The following SCG5 variants were observed in gnomAD, a reference collection of about 807,000 sequenced individuals.
The protein encoded by SCG5 is neuroendocrine protein 7B2.
In SCG5, 18 loss-of-function variants were observed where a neutral mutation model predicts 25.7. That is an observed-to-expected ratio of 0.70 (90% CI 0.48 to 1.04). The LOEUF (loss-of-function observed/expected upper bound fraction) is 1.04, where lower values mean the gene tolerates loss of function less well. Among genes scored for constraint, SCG5 ranks in the 50% least tolerant of loss-of-function variants. The pLI is 0.00. For missense variants in SCG5, 206 were observed against 259.8 expected (o/e 0.79, Z 1.42); for synonymous variants, 101 against 91.7 (o/e 1.10, Z -0.58).
chr15:32,656,385 T>C (rs1369109132), intron 2 of SCG5: 1 of 152,230 alleles, frequency 6.6e-6, no homozygotes, highest in Non-Finnish European at 1.5e-5. Flanking sequence ...ATGTAGGAAG[T>C]GGAATTGTGG....
chr15:32,679,537 C>A (rs1474852044), intron 2 of SCG5, among the ~76,000 whole-genome samples: 1 of 152,156 alleles, frequency 6.6e-6, no homozygotes, highest in African/African-American at 2.4e-5. Context: ...ATTAACATTT[C>A]TTTTACAGGA....
chr15:32,661,051 TA>T (rs1193484239), intron 2 of SCG5, among the ~76,000 whole-genome samples: 5 of 152,258 alleles, frequency 3.3e-5, no homozygotes, highest in Non-Finnish European at 7.3e-5. Context: ...ATTTATTTTG[TA>T]TCTACTATGT....
At chr15:32,654,672 G>T (rs962676536) in intron 2 of SCG5, among the ~76,000 whole-genome samples, 9 of 152,140 alleles carry the variant, frequency 5.9e-5, no homozygotes, top group African/African-American at 1.9e-4. Flanking sequence ...TTGTGAATTG[G>T]CATTGATGAT....
chr15:32,645,003 A>G (rs916782408), intron 2 of SCG5, among the ~76,000 whole-genome samples: 5 of 152,232 alleles, frequency 3.3e-5, no homozygotes, highest in African/African-American at 7.2e-5. Flanking sequence ...TTAGGTTGAC[A>G]TTTGATTTCA....
chr15:32,655,313 A>C (rs56269339), intron 2 of SCG5, among the ~76,000 whole-genome samples: 53,169 of 151,484 alleles, frequency 0.35, 10,187 homozygotes, highest in South Asian at 0.49. Context: ...GTCTGAACAA[A>C]AAAAAAAAAA....
chr15:32,674,645 G>A (rs1029272641), intron 2 of SCG5, among the ~76,000 whole-genome samples: 2 of 152,192 alleles, frequency 1.3e-5, no homozygotes. Flanking sequence ...GTCCTTGGGA[G>A]TGCTGTTGGG....
At chr15:32,687,422 A>G (rs1169795433) in intron 4 of SCG5, among the ~76,000 whole-genome samples, 1 of 152,244 alleles carries the variant, frequency 6.6e-6, no homozygotes, top group Non-Finnish European at 1.5e-5. Context: ...ATCATCTGCA[A>G]TTATGTGTTT....
At chr15:32,694,933 G>A (rs193245249) in intron 5 of SCG5, among the ~76,000 whole-genome samples, 1 of 152,268 alleles carries the variant, frequency 6.6e-6, no homozygotes, top group African/African-American at 2.4e-5. Flanking sequence ...CTCCACCTGT[G>A]AACAGACTCC....
intron 2 of SCG5, among the ~76,000 whole-genome samples, chr15:32,669,885 C>T (rs1199678684): frequency 6.7e-6 from 1 of 148,774 alleles, no homozygotes; most frequent in African/African-American, 2.5e-5. Flanking sequence ...AAAAAAAATA[C>T]ACGTTTTCTC....
chr15:32,656,791 G>A (rs2054124502), intron 2 of SCG5, among the ~76,000 whole-genome samples: 1 of 152,164 alleles, frequency 6.6e-6, no homozygotes, highest in Admixed American at 6.5e-5. Flanking sequence ...GAGAACTGTC[G>A]AAGGCGGCTG....
chr15:32,668,395 G>A (rs1277896986), intron 2 of SCG5, among the ~76,000 whole-genome samples: 2 of 152,200 alleles, frequency 1.3e-5, no homozygotes, highest in Non-Finnish European at 2.9e-5. Flanking sequence ...GGCCCAAAAG[G>A]CCTTGTCAGA....
rs140888397 is a variant in SCG5 at position 32,675,044 on chromosome 15, C to A, written c.227-4722C>A. Among the ~76,000 whole-genome samples, 425 of 152,302 alleles carry A rather than the reference C, an allele frequency of 2.8e-3. 2 individuals carry two copies. Among genetic ancestry groups the A allele is most frequent in the African/African-American group, 9.5e-3 (393 of 41,562 alleles). The stretch of plus-strand genomic sequence containing the variant: ...TTGATATCTAGAGCTTAGAAATAAA[C>A]AGCTGCATGGTACCAATTTTATTAT... On this transcript the variant is annotated intron_variant, in intron 2 of 5. Coordinates refer to ENST00000300175, the MANE Select transcript of SCG5 (RefSeq NM_001144757.3).
Position 32,696,761 on chromosome 15 carries a change from C to T in SCG5, c.*152C>T, listed in dbSNP as rs142648992. The T allele has an allele frequency of 2.2e-6, 1 of 457,870 alleles. No individual in the cohort carries two copies. Among genetic ancestry groups the T allele is most frequent in the Non-Finnish European group, 3.9e-6 (1 of 256,026 alleles). 28.4% of individuals were successfully genotyped at this position (457,870 alleles called of 1,614,324 possible). On this transcript the variant is annotated 3_prime_UTR_variant, in exon 6 of 6. Coordinates refer to ENST00000300175, the MANE Select transcript of SCG5 (RefSeq NM_001144757.3). ...CTGTATGTAGATAGTGTATTGTCTT[C>T]ACACCGATGATTCTGCTTTTTGCTA...
intron 5 of SCG5, among the ~76,000 whole-genome samples, chr15:32,696,278 C>G (rs1018002923): frequency 6.6e-6 from 1 of 152,070 alleles, no homozygotes; most frequent in African/African-American, 2.4e-5. Context: ...CCACCACGCC[C>G]GGCTAATTTT....
intron 3 of SCG5, chr15:32,684,267 G>T: frequency 2.8e-6 from 1 of 353,842 alleles, no homozygotes; most frequent in Non-Finnish European, 5.1e-6. Flanking sequence ...TCAGGCAAAT[G>T]ACTCCACGTG....
intron 2 of SCG5, among the ~76,000 whole-genome samples, chr15:32,656,919 G>C (rs2054126988): frequency 6.6e-6 from 1 of 151,652 alleles, no homozygotes; most frequent in African/African-American, 2.4e-5. Flanking sequence ...GGCTGGGGGG[G>C]ACTTGGTTTG....
At chr15:32,644,593 G>C (rs1201802785) in intron 2 of SCG5, among the ~76,000 whole-genome samples, 4 of 152,140 alleles carry the variant, frequency 2.6e-5, no homozygotes, top group African/African-American at 9.7e-5. Context: ...TCTATGAGCT[G>C]GTGATGCAGC....
Position 32,648,920 on chromosome 15 carries a change from C to G in SCG5, c.226+5102C>G, listed in dbSNP as rs369347742. On this transcript the variant is annotated intron_variant, in intron 2 of 5. Coordinates refer to ENST00000300175, the MANE Select transcript of SCG5 (RefSeq NM_001144757.3). The stretch of plus-strand genomic sequence containing the variant: ...CCCAGTAGCTGGGACTACAGGCGCC[C>G]GCCACCACGCCCGGCTAATTTTTTG... 3.3e-4 allele frequency among the ~76,000 whole-genome samples: 51 copies of G among 152,250 alleles called. No homozygotes were observed. In the East Asian group the frequency reaches 7.6e-3, roughly 23 times the overall value.
At chr15:32,675,754 T>G (rs1443233438) in intron 2 of SCG5, among the ~76,000 whole-genome samples, 1 of 152,244 alleles carries the variant, frequency 6.6e-6, no homozygotes, top group Non-Finnish European at 1.5e-5. Context: ...ACATTATCAG[T>G]GCATTACAAC....
Sources: gnomAD v4.1 joint callset for allele counts (sites outside exome capture counted in the v4.1 genomes callset) on GRCh38, gnomAD v4.1.1 for gene constraint, MANE v1.5 for transcripts, NCBI Gene and HGNC (gene_info 2026-07-23, HGNC 2026-07-21) for gene names.